Variants in CADPS2 observed in about 807,000 individuals in gnomAD.
The protein encoded by CADPS2 is calcium-dependent secretion activator 2.
A neutral mutation model predicts 172.5 loss-of-function variants in CADPS2; 93 were observed. The ratio of observed to expected loss-of-function variants is 0.54; its 90% CI spans 0.46 to 0.64. The LOEUF is 0.64. Ranked by LOEUF, CADPS2 falls within the 30% of genes least tolerant of loss-of-function variation. CADPS2 has a pLI of 0.00. For missense variants in CADPS2, 1,420 were observed against 1,565.9 expected (o/e 0.91, Z 1.57); for synonymous variants, 546 against 555.2 (o/e 0.98, Z 0.23).
rs748970206 is a variant in CADPS2, at chr7:122,387,165, G to T, written c.3173C>A (p.Thr1058Asn). Residue 1058 changes from threonine (T) to asparagine (N), a missense_variant, in exon 24 of 30, where the codon ACT becomes AAT. Transcript: ENST00000449022. Reference protein sequence around the residue: ...MLEACVKRTRTAFELKLQKAS... With the variant: ...MLEACVKRTRNAFELKLQKAS... ...CTTTTGTAGCTTGAGTTCAAATGCA[G>T]TTCTTGTTCTAGTTTTTAAAACATG... 6.3e-7 allele frequency: 1 copy of T among 1,578,030 alleles called. No homozygotes were observed. The highest frequency in any genetic ancestry group is 8.6e-7 in the Non-Finnish European group (1 of 1,159,680).
chr7:122,793,294 A>G (rs965118327), intron 1 of CADPS2, among the ~76,000 whole-genome samples: 2 of 152,214 alleles, frequency 1.3e-5, no homozygotes, highest in African/African-American at 4.8e-5. Context: ...AACTTGCTTT[A>G]TGAATCTGGG....
chr7:122,410,371 C>G (rs1485641965), intron 19 of CADPS2, among the ~76,000 whole-genome samples: 1 of 150,310 alleles, frequency 6.7e-6, no homozygotes, highest in Non-Finnish European at 1.5e-5. Context: ...AAAACAAAAA[C>G]AAAACTTATA....
chr7:122,830,638 C>T (rs1806266450), intron 1 of CADPS2, among the ~76,000 whole-genome samples: 1 of 152,130 alleles, frequency 6.6e-6, no homozygotes, highest in Admixed American at 6.5e-5. Flanking sequence ...AATGCTGAGG[C>T]GTCTTCAATT....
intron 1 of CADPS2, among the ~76,000 whole-genome samples, chr7:122,821,399 C>A (rs900007232): frequency 1.3e-5 from 2 of 152,116 alleles, no homozygotes; most frequent in African/African-American, 2.4e-5. Context: ...TTCTACTACT[C>A]CTCAGGGATT....
chr7:122,723,120 G>A (rs1330299644), intron 2 of CADPS2, among the ~76,000 whole-genome samples: 3 of 152,080 alleles, frequency 2.0e-5, no homozygotes, highest in Non-Finnish European at 2.9e-5. Flanking sequence ...ATAGGCATGG[G>A]CAAGGACTTC....
At chr7:122,723,849 T>TA (rs1366503736) in intron 2 of CADPS2, among the ~76,000 whole-genome samples, 6 of 152,020 alleles carry the variant, frequency 3.9e-5, no homozygotes, top group Admixed American at 6.6e-5. Context: ...TATGCAGCCA[T>TA]AAAAAATGAT....
intron 17 of CADPS2, among the ~76,000 whole-genome samples, chr7:122,416,911 A>G (rs6947220): frequency 0.12 from 18,481 of 152,262 alleles, 1,722 homozygotes; most frequent in African/African-American, 0.26. Context: ...AAATTAAAGA[A>G]GCCCTGTGTA....
At chr7:122,882,179 A>T (rs1294711597) in intron 1 of CADPS2, among the ~76,000 whole-genome samples, 3 of 152,178 alleles carry the variant, frequency 2.0e-5, no homozygotes, top group Admixed American at 6.5e-5. Flanking sequence ...CTTCCCCACC[A>T]TCTGCAATTT....
At chr7:122,322,875 G>A (rs1296971419) in intron 29 of CADPS2, among the ~76,000 whole-genome samples, 2 of 152,130 alleles carry the variant, frequency 1.3e-5, no homozygotes, top group East Asian at 1.9e-4. Flanking sequence ...CAATCCCTGT[G>A]AGTAGTAAGG....
At chr7:122,841,549 A>G (rs550795211) in intron 1 of CADPS2, among the ~76,000 whole-genome samples, 3 of 152,334 alleles carry the variant, frequency 2.0e-5, no homozygotes, top group Non-Finnish European at 4.4e-5. Flanking sequence ...ATCAAAGTAG[A>G]GACAGAAATG....
intron 18 of CADPS2, among the ~76,000 whole-genome samples, chr7:122,415,519 G>A (rs1280904363): frequency 6.7e-6 from 1 of 149,162 alleles, no homozygotes; most frequent in African/African-American, 2.5e-5. Flanking sequence ...ACTATTTATG[G>A]AATTATGAGA....
At chr7:122,823,160 C>G (rs560729720) in intron 1 of CADPS2, among the ~76,000 whole-genome samples, 6 of 152,246 alleles carry the variant, frequency 3.9e-5, no homozygotes, top group African/African-American at 1.4e-4. Flanking sequence ...ATCTGATTAT[C>G]TGTAACAGAA....
chr7:122,705,740 TATATAATATATATAATATATA>T (rs1564122601), intron 2 of CADPS2, among the ~76,000 whole-genome samples: 3 of 12,386 alleles, frequency 2.4e-4, no homozygotes, highest in African/African-American at 6.7e-4. Flanking sequence ...TATTATATAA[TATATAATATATATAATATATA>T]ATATATGATA....
chr7:122,592,934 A>T (rs1295145468), intron 6 of CADPS2, among the ~76,000 whole-genome samples: 1 of 151,954 alleles, frequency 6.6e-6, no homozygotes, highest in East Asian at 1.9e-4. Context: ...ACATGTATAC[A>T]TATGTAACAA....
rs1219557415 is a variant in CADPS2 at position 122,656,791 on chromosome 7, G to C, written c.786+6446C>G. 3.3e-5 allele frequency among the ~76,000 whole-genome samples: 5 copies of C among 152,278 alleles called. No homozygotes were observed. In the East Asian group the frequency reaches 7.7e-4, roughly 24 times the overall value. ...AGGAAGCTGAAGTTTCTCTTTTGCT[G>C]TGCAGAAGATCTTTAGTTTAATTAG... is the stretch of plus-strand genomic sequence containing the variant. On this transcript the variant is annotated intron_variant, in intron 3 of 29. Transcript: ENST00000449022.
chr7:122,347,227 T>C (rs1275566812), intron 27 of CADPS2, among the ~76,000 whole-genome samples: 5 of 152,166 alleles, frequency 3.3e-5, no homozygotes, highest in South Asian at 2.1e-4. Context: ...AAGGTAAACA[T>C]GTGAGTGATG....
At chr7:122,879,453 T>C (rs1372435248) in intron 1 of CADPS2, among the ~76,000 whole-genome samples, 2 of 150,826 alleles carry the variant, frequency 1.3e-5, no homozygotes, top group African/African-American at 2.4e-5. Context: ...GGAGAATCAC[T>C]TGAACCAGGA....
chr7:122,574,472 T>C (rs574589419), intron 7 of CADPS2, among the ~76,000 whole-genome samples: 82 of 33,460 alleles, frequency 2.5e-3, no homozygotes, highest in African/African-American at 6.3e-3. Flanking sequence ...AAAAAAAGTA[T>C]ATTTCTCAAC....
chr7:122,760,243 A>T (rs1044274009), intron 1 of CADPS2, among the ~76,000 whole-genome samples: 1 of 152,116 alleles, frequency 6.6e-6, no homozygotes, highest in African/African-American at 2.4e-5. Flanking sequence ...CAGGTAAAAA[A>T]AGATGAAAAT....
Sources: gnomAD v4.1 joint callset for allele counts (sites outside exome capture counted in the v4.1 genomes callset) on GRCh38, gnomAD v4.1.1 for gene constraint, MANE v1.5 for transcripts, NCBI Gene and HGNC (gene_info 2026-07-23, HGNC 2026-07-21) for gene names.